Variants in LRRK1 observed in about 807,000 individuals in gnomAD.
The protein encoded by LRRK1 is leucine rich repeat kinase 1.
In LRRK1, 113 loss-of-function variants were observed where a neutral mutation model predicts 209.1. The observed-to-expected ratio is 0.54, with a 90% CI of 0.46 to 0.63. LRRK1 has a LOEUF of 0.63. LRRK1 is among the 30% of genes least tolerant of loss of function. The pLI is 0.00. For missense variants in LRRK1, 2,284 were observed against 2,632.2 expected, an observed-to-expected ratio of 0.87 and a Z score of 2.89; for synonymous variants, 1,144 against 1,099.7, an observed-to-expected ratio of 1.04 and a Z score of -0.80.
intron 2 of LRRK1, among the ~76,000 whole-genome samples, chr15:100,928,099 T>C (rs1250583593): frequency 6.6e-6 from 1 of 152,244 alleles, no homozygotes; most frequent in Non-Finnish European, 1.5e-5. Context: ...ACACATTGCT[T>C]TTTGTTTTGT....
At position 101,014,376 on chromosome 15, in the gene LRRK1, T is replaced by C. The variant is rs1169485935; in HGVS notation, c.1480T>C (p.Trp494Arg). Residue 494 changes from tryptophan (W) to arginine (R), a missense_variant, in exon 11 of 34, where the codon TGG becomes CGG. Trp to Arg is a moderately radical substitution (Grantham distance 101). Around this residue, in one of 6 missense-constraint regions of LRRK1, gnomAD observed 494 missense variants for 522.1 expected, o/e 0.95. Coordinates refer to ENST00000388948, the MANE Select transcript of LRRK1 (RefSeq NM_024652.6). ...QLAALPPQEK[W>R]TCRQLKTLDL... ...GGCGGCACTTCCACCTCAAGAGAAG[T>C]GGACCTGCAGGCAGCTCAAAACCCT... 1.2e-6 allele frequency: 2 copies of C among 1,613,914 alleles called. No individual in the cohort carries two copies. Among genetic ancestry groups the C allele is most frequent in the African/African-American group, 2.7e-5 (2 of 74,910 alleles).
At chr15:100,989,003 G>C (rs552009508) in intron 5 of LRRK1, among the ~76,000 whole-genome samples, 190 bp downstream of exon 5, 38 of 152,298 alleles carry the variant, frequency 2.5e-4, no homozygotes, top group Admixed American at 4.6e-4. Flanking sequence ...ACTTGCCCCC[G>C]CAAGGGGATT....
At position 101,052,025 on chromosome 15, in the gene LRRK1, T is replaced by C. The variant is rs1001042623; in HGVS notation, c.3689+65T>C. 3 of 1,557,936 alleles carry C rather than the reference T, an allele frequency of 1.9e-6. No homozygotes were observed. The Admixed American group carries it at 5.3e-5, about 27-fold the overall frequency. On this transcript the variant is annotated intron_variant, in intron 24 of 33. Transcript: ENST00000388948. ...ACAGGGGGCGTTCCTCGCTGTGCAG[T>C]TGCCGAGTGATCTCCAGGAAGACCC...
chr15:101,049,787 A>G lies in LRRK1; in HGVS notation c.3439+4A>G, dbSNP rs2035296921. On this transcript the variant is annotated splice_donor_region_variant and intron_variant, in intron 23 of 33. Transcript: ENST00000388948. ...TTGATTGATCAGTGGTTTCCCGGTA[A>G]GAGGAGATGCTAGAAGCAAGCCCTC... The G allele has an allele frequency of 6.2e-7, 1 of 1,611,982 alleles. No homozygotes were observed. Among genetic ancestry groups the G allele is most frequent in the Non-Finnish European group, 8.5e-7 (1 of 1,178,964 alleles).
chr15:101,026,059 C>A lies in LRRK1; in HGVS notation c.2327C>A (p.Ala776Asp). Residue 776 changes from alanine (A) to aspartate (D), a missense_variant, in exon 17 of 34, where the codon GCC (alanine) becomes GAC (aspartate). Ala to Asp is a moderately radical substitution (Grantham distance 126). This residue lies in a region of LRRK1 where 780 missense variants were observed against 985.2 expected (regional missense o/e 0.79). Transcript: ENST00000388948. The stretch of plus-strand genomic sequence containing the variant: ...GTGGAAAGGATTGCAACGCTGCGTG[C>A]CTATGTGCTGGCACTCTGCCGCTCC... ...FRVERIATLRAYVLALCRSPS... is the reference protein window; with the variant it reads ...FRVERIATLRDYVLALCRSPS... The A allele has an allele frequency of 6.2e-7, 1 of 1,614,254 alleles. No homozygotes were observed. Among genetic ancestry groups the A allele is most frequent in the African/African-American group, 1.3e-5 (1 of 75,084 alleles).
intron 2 of LRRK1, among the ~76,000 whole-genome samples, chr15:100,941,290 CTGTGTGTGTCTATGTGTGTGTG>C (rs2042402286): frequency 1.1e-4 from 3 of 28,242 alleles, no homozygotes; most frequent in African/African-American, 6.6e-4. Flanking sequence ...GTGTGTGTGT[CTGTGTGTGTCTATGTGTGTGTG>C]TCTGTGTGTG....
intron 2 of LRRK1, among the ~76,000 whole-genome samples, chr15:100,926,363 C>A (rs8031953): frequency 0.33 from 49,751 of 151,854 alleles, 10,073 homozygotes; most frequent in African/African-American, 0.57. Context: ...TGCTCCTCTT[C>A]GCAGCCCTGA....
chr15:100,957,673 C>T (rs2042792684), intron 2 of LRRK1, among the ~76,000 whole-genome samples: 2 of 152,172 alleles, frequency 1.3e-5, no homozygotes, highest in East Asian at 1.9e-4. Flanking sequence ...CACTTTCCAT[C>T]TATGTGTATG....
Position 101,014,546 on chromosome 15 carries a change from G to T in LRRK1, c.1532+118G>T, listed in dbSNP as rs973822254. 9.9e-6 allele frequency: 7 copies of T among 704,492 alleles called. No homozygotes were observed. In the African/African-American group the frequency reaches 1.1e-4, roughly 11 times the overall value. 43.6% of individuals were successfully genotyped at this position (704,492 alleles called of 1,614,324 possible). ...AGGGCTGCTGAGCCGCCAGCTGGGG[G>T]CTTAACAACAGAAATCACTGCCTCA... On this transcript the variant is annotated intron_variant, in intron 11 of 33. Transcript: ENST00000388948.
chr15:100,937,756 C>T (rs969635195), intron 2 of LRRK1, among the ~76,000 whole-genome samples: 4 of 151,652 alleles, frequency 2.6e-5, no homozygotes, highest in Non-Finnish European at 4.4e-5. Flanking sequence ...AGGATGGTCT[C>T]GATCTCCTGA....
chr15:101,053,139 G>A lies in LRRK1; in HGVS notation c.3856+51G>A, dbSNP rs1427697978. ...TTTTTCTCAGACATATGCTGCCCGGGTCTAAGCTCTGTGCGGCCTTAGAGA... is the reference window on the plus strand; with the variant it reads ...TTTTTCTCAGACATATGCTGCCCGGATCTAAGCTCTGTGCGGCCTTAGAGA... On this transcript the variant is annotated intron_variant, in intron 25 of 33. Transcript: ENST00000388948. The A allele has an allele frequency of 1.9e-6, 3 of 1,590,928 alleles. No homozygotes were observed. In the Admixed American group the frequency reaches 5.0e-5, roughly 27 times the overall value.
chr15:100,996,281 G>A (rs1180773748), intron 6 of LRRK1, among the ~76,000 whole-genome samples: 2 of 152,250 alleles, frequency 1.3e-5, no homozygotes, highest in Non-Finnish European at 1.5e-5. Context: ...TCAGCAGGCG[G>A]TGCTGCTGTA....
intron 12 of LRRK1, among the ~76,000 whole-genome samples, chr15:101,019,221 A>G (rs1465934161): frequency 6.6e-6 from 1 of 152,204 alleles, no homozygotes; most frequent in Non-Finnish European, 1.5e-5. Context: ...AAGAGGCTTC[A>G]TAAACACCGT....
At chr15:100,939,590 G>A (rs1190318981) in intron 2 of LRRK1, among the ~76,000 whole-genome samples, 3 of 152,116 alleles carry the variant, frequency 2.0e-5, no homozygotes, top group Admixed American at 6.5e-5. Flanking sequence ...ATGGTTTTTC[G>A]ACTTTTCACA....
chr15:100,948,523 A>T (rs987008807), intron 2 of LRRK1, among the ~76,000 whole-genome samples: 1 of 151,444 alleles, frequency 6.6e-6, no homozygotes, highest in Admixed American at 6.6e-5. Context: ...TACGTTGCAA[A>T]TTTTTTTTTC....
intron 6 of LRRK1, among the ~76,000 whole-genome samples, chr15:101,007,412 G>A (rs1358804907): frequency 2.0e-5 from 3 of 152,322 alleles, no homozygotes; most frequent in African/African-American, 7.2e-5. Context: ...GCAAAGTCCT[G>A]CTCCCATATA....
intron 2 of LRRK1, among the ~76,000 whole-genome samples, chr15:100,959,535 C>T (rs142195288): frequency 8.7e-4 from 132 of 152,272 alleles, no homozygotes; most frequent in African/African-American, 3.1e-3. Context: ...CCAGATAAGG[C>T]AGACACAGGA....
intron 33 of LRRK1, among the ~76,000 whole-genome samples, chr15:101,067,047 C>T (rs1346845569): frequency 6.6e-6 from 1 of 152,224 alleles, no homozygotes; most frequent in Non-Finnish European, 1.5e-5. Flanking sequence ...CATGCAGATG[C>T]ATCCAGGTCA....
At chr15:101,003,975 C>T (rs1286485189) in intron 6 of LRRK1, among the ~76,000 whole-genome samples, 1 of 152,200 alleles carries the variant, frequency 6.6e-6, no homozygotes, top group East Asian at 1.9e-4. Flanking sequence ...AGCACGGCTA[C>T]ACCCTTGTGG....
Sources: allele counts gnomAD v4.1 joint callset (sites outside exome capture counted in the v4.1 genomes callset), GRCh38; gene constraint gnomAD v4.1.1; regional missense constraint gnomAD v4.1.1; transcripts MANE v1.5; gene names NCBI Gene and HGNC (gene_info 2026-07-23, HGNC 2026-07-21).